Variants in PLXDC2 observed in about 807,000 individuals in gnomAD.
The protein encoded by PLXDC2 is plexin domain-containing protein 2.
A neutral mutation model predicts 68.9 loss-of-function variants in PLXDC2; 40 were observed. The observed-to-expected ratio is 0.58, with a 90% confidence interval of 0.45 to 0.76. The LOEUF is 0.76. Ranked by LOEUF, PLXDC2 falls within the 30% of genes least tolerant of loss-of-function variation. The probability of loss-of-function intolerance (pLI) is 0.00; values close to 1 mark genes in which losing one functional copy is unlikely to be tolerated. For synonymous variants in PLXDC2, 243 were observed against 234.2 expected (o/e 1.04, Z -0.34); for missense variants, 644 against 661.9 (o/e 0.97, Z 0.30).
chr10:20,082,161 T>C (rs1030025464), intron 4 of PLXDC2, among the ~76,000 whole-genome samples: 3 of 150,486 alleles, frequency 2.0e-5, no homozygotes, highest in Non-Finnish European at 2.9e-5. Context: ...GTGGATATAA[T>C]TCAGGAAGAT....
intron 10 of PLXDC2, among the ~76,000 whole-genome samples, 189 bp from the exon 11 acceptor site, chr10:20,217,236 CT>C (rs1835149707): frequency 6.6e-6 from 1 of 152,138 alleles, no homozygotes; most frequent in African/African-American, 2.4e-5. Flanking sequence ...TTCCATCCAT[CT>C]TTTTCTCTTT....
chr10:20,224,207 C>T (rs1420393522), intron 12 of PLXDC2, among the ~76,000 whole-genome samples: 1 of 152,054 alleles, frequency 6.6e-6, no homozygotes, highest in East Asian at 1.9e-4. Flanking sequence ...CTCTTGACCT[C>T]GGGTGATCCA....
chr10:20,249,536 A>G (rs1307312843), intron 13 of PLXDC2, among the ~76,000 whole-genome samples: 1 of 151,936 alleles, frequency 6.6e-6, no homozygotes, highest in South Asian at 2.1e-4. Flanking sequence ...TATCATTCCA[A>G]CTTCTGTTCC....
chr10:19,908,536 C>G (rs535507487), intron 1 of PLXDC2, among the ~76,000 whole-genome samples: 86 of 152,190 alleles, frequency 5.7e-4, no homozygotes, highest in Non-Finnish European at 1.1e-3. Context: ...GTTGAATTGT[C>G]CTTTGCTTGG....
chr10:20,164,134 A>G (rs1384951964), intron 6 of PLXDC2, among the ~76,000 whole-genome samples: 1 of 152,194 alleles, frequency 6.6e-6, no homozygotes, highest in Admixed American at 6.5e-5. Flanking sequence ...TTCCAAAATT[A>G]TAGCCAGCAC....
At chr10:19,858,102 G>A (rs970613579) in intron 1 of PLXDC2, among the ~76,000 whole-genome samples, 3 of 152,128 alleles carry the variant, frequency 2.0e-5, no homozygotes, top group Non-Finnish European at 4.4e-5. Context: ...CCTCTTGGAG[G>A]AACAGAACCA....
In PLXDC2 at chr10:19,944,148, G is replaced by A. The variant is rs750551844; in HGVS notation, c.113-57627G>A. Among the ~76,000 whole-genome samples, 47 of 152,234 alleles carry A rather than the reference G, an allele frequency of 3.1e-4. 1 individual carries two copies. Among genetic ancestry groups the A allele is most frequent in the Middle Eastern group, 3.4e-3 (1 of 294 alleles). On this transcript the variant is annotated intron_variant, in intron 1 of 13. Transcript: ENST00000377252. ...CTTTCCGGTAGGTGCAGAATTTCTC[G>A]AGTTTTCTTGCAGTCTGATGGTAGT...
At chr10:19,994,312 A>ATTTTGTTTTTTT (rs1834806504) in intron 1 of PLXDC2, among the ~76,000 whole-genome samples, 1 of 34,312 alleles carries the variant, frequency 2.9e-5, no homozygotes, top group Non-Finnish European at 4.9e-5. Context: ...ACATGATTAA[A>ATTTTGTTTTTTT]TTTTTTTTTT....
chr10:20,107,625 T>C (rs1833509001), intron 4 of PLXDC2, among the ~76,000 whole-genome samples: 1 of 152,204 alleles, frequency 6.6e-6, no homozygotes, highest in South Asian at 2.1e-4. Context: ...ATCTATCTCC[T>C]AAAATTGTTC....
intron 2 of PLXDC2, among the ~76,000 whole-genome samples, chr10:20,022,936 G>A (rs1288473978): frequency 6.6e-6 from 1 of 151,556 alleles, no homozygotes; most frequent in Non-Finnish European, 1.5e-5. Context: ...CCAATACCTT[G>A]GATTATTTAA....
At chr10:19,905,029 C>T (rs941491094) in intron 1 of PLXDC2, among the ~76,000 whole-genome samples, 20 of 152,258 alleles carry the variant, frequency 1.3e-4, no homozygotes, top group East Asian at 3.9e-4. Flanking sequence ...TTTGACCCAC[C>T]GCATATGCAC....
chr10:20,174,349 T>A (rs1165671637), intron 7 of PLXDC2, among the ~76,000 whole-genome samples: 1 of 152,124 alleles, frequency 6.6e-6, no homozygotes, highest in Non-Finnish European at 1.5e-5. Flanking sequence ...CATGAAACCT[T>A]ACTATGTACC....
chr10:20,215,602 T>C (rs1835125589), intron 10 of PLXDC2, among the ~76,000 whole-genome samples: 1 of 151,924 alleles, frequency 6.6e-6, no homozygotes, highest in Non-Finnish European at 1.5e-5. Context: ...GCAAATATTG[T>C]AGAGAAAGGA....
intron 1 of PLXDC2, among the ~76,000 whole-genome samples, chr10:19,880,980 C>T (rs1837715790): frequency 6.6e-6 from 1 of 152,166 alleles, no homozygotes; most frequent in Admixed American, 6.5e-5. Context: ...AATTATTACA[C>T]AAGAGTAATT....
At chr10:20,066,987 A>T (rs1836221928) in intron 3 of PLXDC2, among the ~76,000 whole-genome samples, 1 of 152,126 alleles carries the variant, frequency 6.6e-6, no homozygotes, top group Admixed American at 6.5e-5. Flanking sequence ...CATCTGTATT[A>T]TATTAGGTTG....
In PLXDC2 at chr10:20,257,074, G is replaced by C. The variant is rs117001951; in HGVS notation, c.1473+11569G>C. Among the ~76,000 whole-genome samples, 758 of 152,208 alleles carry C rather than the reference G, an allele frequency of 5.0e-3. 4 individuals carry two copies. Among genetic ancestry groups the C allele is most frequent in the Non-Finnish European group, 7.7e-3 (527 of 68,024 alleles). On this transcript the variant is annotated intron_variant, in intron 13 of 13. Coordinates refer to ENST00000377252, the MANE Select transcript of PLXDC2 (RefSeq NM_032812.9). ...ACTTGTGCTGGATGGATCTGAGGAA[G>C]GGACGCAAGGATCTCTGGGGAAAAG...
intron 1 of PLXDC2, among the ~76,000 whole-genome samples, chr10:19,997,461 G>T (rs1043062582): frequency 2.0e-5 from 3 of 152,202 alleles, no homozygotes; most frequent in African/African-American, 7.2e-5. Context: ...AGGTGCAGTA[G>T]AGATGGATCC....
At chr10:19,945,292 A>G (rs1833882761) in intron 1 of PLXDC2, among the ~76,000 whole-genome samples, 1 of 152,164 alleles carries the variant, frequency 6.6e-6, no homozygotes, top group African/African-American at 2.4e-5. Context: ...CTCATTGAGG[A>G]GTCTGTCTTT....
rs567287209 is a variant in PLXDC2 at position 20,242,077 on chromosome 10, C to T, written c.1313-3268C>T. ...GAAACAGTCAAGTCTTCATTTTTGA[C>T]TCAAAAATATCTACTATTTTTGCTA... On this transcript the variant is annotated intron_variant, in intron 12 of 13. Coordinates refer to ENST00000377252, the MANE Select transcript of PLXDC2 (RefSeq NM_032812.9). Among the ~76,000 whole-genome samples, 3 of 152,208 alleles carry T rather than the reference C, an allele frequency of 2.0e-5. No homozygotes were observed. In the South Asian group the frequency reaches 6.2e-4, roughly 32 times the overall value.
Sources: allele counts gnomAD v4.1 joint callset (sites outside exome capture counted in the v4.1 genomes callset), GRCh38; gene constraint gnomAD v4.1.1; transcripts MANE v1.5; gene names NCBI Gene and HGNC (gene_info 2026-07-23, HGNC 2026-07-21).